The following TMEM74 variants were observed in gnomAD, a reference collection of about 807,000 sequenced individuals.
TMEM74 encodes the protein transmembrane protein 74.
A neutral mutation model predicts 18.1 loss-of-function variants in TMEM74; 13 were observed. The observed-to-expected ratio is 0.72, with a 90% confidence interval of 0.47 to 1.14. The LOEUF is 1.14. Among genes scored for constraint, TMEM74 ranks in the 50% most tolerant of loss-of-function variants. TMEM74 has a pLI of 0.00. For missense variants in TMEM74, 372 were observed against 375.9 expected (o/e 0.99, Z 0.09); for synonymous variants, 159 against 146.6 (o/e 1.08, Z -0.61).
chr8:108,756,589 A>G (rs1302761485), intron 1 of TMEM74, among the ~76,000 whole-genome samples: 8 of 117,566 alleles, frequency 6.8e-5, no homozygotes, highest in East Asian at 2.4e-4. Flanking sequence ...AGAAAGAAAG[A>G]AAGAAAGAGA....
chr8:108,645,470 G>A (rs997370724), intron 2 of TMEM74, among the ~76,000 whole-genome samples: 9 of 152,078 alleles, frequency 5.9e-5, no homozygotes, highest in Non-Finnish European at 1.2e-4. Context: ...CTAGTTGCAT[G>A]TATTGGTATT....
chr8:108,685,365 T>C (rs1247994450), intron 1 of TMEM74, among the ~76,000 whole-genome samples: 1 of 152,164 alleles, frequency 6.6e-6, no homozygotes, highest in African/African-American at 2.4e-5. Context: ...TTTCTATATG[T>C]AAGATCAGTC....
intron 2 of TMEM74, among the ~76,000 whole-genome samples, chr8:108,628,836 G>A (rs1406539812): frequency 2.6e-5 from 4 of 152,208 alleles, no homozygotes; most frequent in African/African-American, 4.8e-5. Context: ...TATCTGGCAT[G>A]AGATGGTATC....
At chr8:108,677,462 T>C (rs552741708) in intron 1 of TMEM74, among the ~76,000 whole-genome samples, 13 of 152,244 alleles carry the variant, frequency 8.5e-5, no homozygotes, top group Non-Finnish European at 1.8e-4. Context: ...TTTAAAAGAT[T>C]TGAAAATACA....
At chr8:108,785,736 C>T (rs564974855) in intron 1 of TMEM74, among the ~76,000 whole-genome samples, 1 of 152,292 alleles carries the variant, frequency 6.6e-6, no homozygotes, top group East Asian at 1.9e-4. Flanking sequence ...TGAAAAAGGC[C>T]AGCTTAATCA....
At chr8:108,707,360 T>C (rs1813427037) in intron 1 of TMEM74, among the ~76,000 whole-genome samples, 1 of 152,000 alleles carries the variant, frequency 6.6e-6, no homozygotes, top group African/African-American at 2.4e-5. Context: ...ATCCCCACCC[T>C]TTCCAAAGAA....
intron 1 of TMEM74, among the ~76,000 whole-genome samples, chr8:108,727,476 C>A (rs1034067243): frequency 2.6e-5 from 4 of 152,126 alleles, no homozygotes; most frequent in Admixed American, 2.6e-4. Context: ...TACAGGATAT[C>A]TTTCAGGCTT....
At chr8:108,619,787 G>T (rs1205162942) in intron 2 of TMEM74, among the ~76,000 whole-genome samples, 1 of 152,118 alleles carries the variant, frequency 6.6e-6, no homozygotes, top group Non-Finnish European at 1.5e-5. Flanking sequence ...ACGTAAAAAA[G>T]TCATTTATGT....
chr8:108,726,638 C>G (rs1411842137), intron 1 of TMEM74, among the ~76,000 whole-genome samples: 1 of 151,944 alleles, frequency 6.6e-6, no homozygotes, highest in African/African-American at 2.4e-5. Flanking sequence ...CATCAGTAAA[C>G]AAACTCTATT....
chr8:108,736,360 T>C (rs931808855), intron 1 of TMEM74, among the ~76,000 whole-genome samples: 18 of 152,192 alleles, frequency 1.2e-4, no homozygotes, highest in African/African-American at 4.3e-4. Flanking sequence ...TTTAAAATAA[T>C]AAATTGCATG....
chr8:108,746,869 G>A (rs1475784848), intron 1 of TMEM74, among the ~76,000 whole-genome samples: 2 of 152,174 alleles, frequency 1.3e-5, no homozygotes, highest in African/African-American at 2.4e-5. Context: ...AAGGTGGCAA[G>A]TCTGGAGAGG....
chr8:108,671,215 C>T (rs899823866), intron 1 of TMEM74, among the ~76,000 whole-genome samples: 1 of 152,120 alleles, frequency 6.6e-6, no homozygotes, highest in Non-Finnish European at 1.5e-5. Context: ...TAGGAGTTAT[C>T]CAACTGTTTT....
chr8:108,613,545 AT>A (rs1812355616), intron 2 of TMEM74, among the ~76,000 whole-genome samples: 1 of 152,180 alleles, frequency 6.6e-6, no homozygotes, highest in Non-Finnish European at 1.5e-5. Flanking sequence ...AAATCCACGT[AT>A]TTTTTTATTT....
chr8:108,647,431 T>C (rs1812730837), intron 2 of TMEM74, among the ~76,000 whole-genome samples: 1 of 152,102 alleles, frequency 6.6e-6, no homozygotes, highest in African/African-American at 2.4e-5. Context: ...AGCTTTTTAT[T>C]CCAAGGAAAA....
intron 1 of TMEM74, among the ~76,000 whole-genome samples, chr8:108,717,336 C>T (rs1813536137): frequency 6.6e-6 from 1 of 152,182 alleles, no homozygotes; most frequent in South Asian, 2.1e-4. Flanking sequence ...AATTTTAAAA[C>T]CTATGAAATG....
intron 1 of TMEM74, among the ~76,000 whole-genome samples, chr8:108,722,574 C>G (rs1813596054): frequency 6.6e-6 from 1 of 152,192 alleles, no homozygotes; most frequent in Non-Finnish European, 1.5e-5. Context: ...CATTTACTCT[C>G]TACCTTCAGG....
At chr8:108,654,707 C>A (rs992101741) in intron 2 of TMEM74, among the ~76,000 whole-genome samples, 1 of 151,856 alleles carries the variant, frequency 6.6e-6, no homozygotes, top group Non-Finnish European at 1.5e-5. Context: ...TGAATCAATA[C>A]CTTTATTCCT....
At chr8:108,706,589 T>A (rs1006206493) in intron 1 of TMEM74, among the ~76,000 whole-genome samples, 30 of 152,334 alleles carry the variant, frequency 2.0e-4, no homozygotes, top group African/African-American at 7.2e-4. Context: ...CTATTACTTT[T>A]TGAAAATTAC....
chr8:108,655,552 T>A (rs1013695314), intron 1 of TMEM74: 1 of 152,132 alleles, frequency 6.6e-6, no homozygotes, highest in South Asian at 2.1e-4. Context: ...GCCAAAATCA[T>A]TGATGGCAAA....
Sources: allele counts gnomAD v4.1 joint callset (sites outside exome capture counted in the v4.1 genomes callset), GRCh38; gene constraint gnomAD v4.1.1; transcripts MANE v1.5; gene names NCBI Gene and HGNC (gene_info 2026-07-23, HGNC 2026-07-21).